Variants in PTPN18 observed in about 807,000 individuals in gnomAD.
PTPN18 encodes the protein protein tyrosine phosphatase non-receptor type 18.
PTPN18 carries 65 observed loss-of-function variants against 65.4 expected under a neutral mutation model. The ratio of observed to expected loss-of-function variants is 0.99; its 90% CI spans 0.81 to 1.22. PTPN18 has a LOEUF of 1.22. Among genes scored for constraint, PTPN18 ranks in the 50% most tolerant of loss-of-function variants. The pLI, the probability that PTPN18 is intolerant of heterozygous loss-of-function variation, is 0.00. For synonymous variants in PTPN18, 255 were observed against 267.8 expected (o/e 0.95, Z 0.47); for missense variants, 616 against 646.5 (o/e 0.95, Z 0.51).
intron 5 of PTPN18, among the ~76,000 whole-genome samples, chr2:130,361,566 C>CTCTTTCTTTCTTTCTTTCTTT (rs1281628439): frequency 3.0e-5 from 2 of 67,106 alleles, no homozygotes; most frequent in African/African-American, 1.7e-4. Context: ...TTCTTTCTTT[C>CTCTTTCTTTCTTTCTTTCTTT]CTTTCTTTCC....
chr2:130,369,178 A>G lies in PTPN18; in HGVS notation c.460A>G (p.Thr154Ala). The stretch of plus-strand genomic sequence containing the variant: ...GGCCCAGGAGCAGGAGCCACTGCAG[A>G]CTGGGCTTTTCTGCATCACTCTGGT... Reference protein sequence around the residue: ...YWAQEQEPLQTGLFCITLIKE... With the variant: ...YWAQEQEPLQAGLFCITLIKE... Residue 154 changes from threonine (T) to alanine (A), a missense_variant, in exon 6 of 15, where the codon ACT becomes GCT. By Grantham distance (58) the Thr-to-Ala change is moderately conservative (BLOSUM62 0). Coordinates refer to ENST00000175756, the MANE Select transcript of PTPN18 (RefSeq NM_014369.4). 6.2e-7 allele frequency: 1 copy of G among 1,613,448 alleles called. No individual in the cohort carries two copies. The highest frequency in any genetic ancestry group is 8.5e-7 in the Non-Finnish European group (1 of 1,179,644).
intron 5 of PTPN18, among the ~76,000 whole-genome samples, chr2:130,366,741 A>C (rs1680396487): frequency 6.6e-6 from 1 of 152,166 alleles, no homozygotes; most frequent in South Asian, 2.1e-4. Flanking sequence ...TATCTTTTAC[A>C]TTTAGCCACT....
Position 130,373,531 on chromosome 2 carries a change from C to T in PTPN18, c.*307C>T. The T allele has an allele frequency of 3.8e-6, 1 of 261,816 alleles. No individual in the cohort carries two copies. 16.2% of individuals were successfully genotyped at this position (261,816 alleles called of 1,614,324 possible). A position where few individuals can be genotyped will look rare whatever the true frequency, so the allele number is the denominator to read the frequency against. On this transcript the variant is annotated 3_prime_UTR_variant, in exon 15 of 15. Transcript: ENST00000175756. The surrounding 1 kb of genome is among the most constrained non-coding windows in gnomAD (Gnocchi z 4.1). ...AGATGAGCTTCCGGAGACTGCTCTC[C>T]TCACCACACAGCACTAGTCCATCCT...
At chr2:130,365,345 G>A (rs779046491) in intron 5 of PTPN18, among the ~76,000 whole-genome samples, 2 of 152,144 alleles carry the variant, frequency 1.3e-5, no homozygotes, top group Admixed American at 1.3e-4. Flanking sequence ...CCTCATTGTG[G>A]TTTTGGTTTT....
chr2:130,372,865 G>T lies in PTPN18; in HGVS notation c.1241-8G>T, dbSNP rs1680624512. On this transcript the variant is annotated splice_polypyrimidine_tract_variant and splice_region_variant and intron_variant, in intron 13 of 14. Transcript: ENST00000175756. ...GGAGCTGACCCGTGGGGGGTCTGCT[G>T]CCCTCAGTTCCTGCTGACCAAAGTC... The T allele has an allele frequency of 6.2e-7, 1 of 1,613,940 alleles. No homozygotes were observed. The highest frequency in any genetic ancestry group is 8.5e-7 in the Non-Finnish European group (1 of 1,180,024).
chr2:130,371,931 C>T (rs1162018740), intron 12 of PTPN18: 1 of 312,746 alleles, frequency 3.2e-6, no homozygotes, highest in East Asian at 5.7e-5. Flanking sequence ...ACTTAAGGCC[C>T]TTGTCCTTGC....
At chr2:130,367,364 A>T (rs945132114) in intron 5 of PTPN18, among the ~76,000 whole-genome samples, 1 of 152,032 alleles carries the variant, frequency 6.6e-6, no homozygotes, top group Non-Finnish European at 1.5e-5. Flanking sequence ...CCTTTTGTGC[A>T]TAATGCTTTT....
rs749089507 is a variant in PTPN18, at chr2:130,359,511, G to A, written c.375+19G>A. 1.9e-4 allele frequency: 303 copies of A among 1,613,576 alleles called. 9 individuals are homozygous for A. The South Asian group carries it at 3.0e-3, about 16-fold the overall frequency. Reference sequence around the variant, plus strand: ...GGTCAAGGTCAGCACTTGGGGGTGCGGCACAATGGTGGGGTCAACATCTAA... The same window carrying A: ...GGTCAAGGTCAGCACTTGGGGGTGCAGCACAATGGTGGGGTCAACATCTAA... On this transcript the variant is annotated intron_variant, in intron 4 of 14. Transcript: ENST00000175756.
At chr2:130,361,639 G>A (rs1318843372) in intron 5 of PTPN18, among the ~76,000 whole-genome samples, 1 of 150,466 alleles carries the variant, frequency 6.6e-6, no homozygotes, top group Non-Finnish European at 1.5e-5. Context: ...CCAGGCTGGA[G>A]TTCAATGGCG....
rs1680594556 is a variant in PTPN18 at position 130,372,348 on chromosome 2, G to T, written c.1105G>T (p.Gly369Trp). ...CGGGGCTCCAGCGGGCGCCGGGAGT[G>T]GGACGCAGACGGGGACGGGGACGGG... The part of the protein sequence containing the change: ...KRGAPAGAGS[G>W]TQTGTGTGTG... The change falls in exon 13 of 15, where the codon GGG (glycine) becomes TGG (tryptophan). Residue 369 changes from glycine (G) to tryptophan (W), a missense_variant. Coordinates refer to ENST00000175756, the MANE Select transcript of PTPN18 (RefSeq NM_014369.4). 1 of 1,396,876 alleles carries T rather than the reference G, an allele frequency of 7.2e-7. No homozygotes were observed. The highest frequency in any genetic ancestry group is 9.2e-7 in the Non-Finnish European group (1 of 1,085,976). The allele number at this position is 1,396,876 out of a possible 1,614,324, so 86.5% of individuals were successfully genotyped here. A position where few individuals can be genotyped will look rare whatever the true frequency, so the allele number is the denominator to read the frequency against.
At chr2:130,370,299 C>T in intron 8 of PTPN18, 109 bp downstream of exon 8, 2 of 1,470,662 alleles carry the variant, frequency 1.4e-6, no homozygotes, top group African/African-American at 1.4e-5. Context: ...ATTTTGAGAA[C>T]CCTTGCTCAC....
chr2:130,364,797 A>AAACAAC (rs144620334), intron 5 of PTPN18, among the ~76,000 whole-genome samples: 2 of 152,138 alleles, frequency 1.3e-5, no homozygotes, highest in African/African-American at 4.8e-5. Context: ...CTCCGTCTCA[A>AAACAAC]AACAACAACA....
intron 13 of PTPN18, 181 bp downstream of exon 13, chr2:130,372,664 G>A: frequency 3.0e-6 from 3 of 991,780 alleles, no homozygotes; most frequent in Non-Finnish European, 4.3e-6. Context: ...CCTGGCGGTC[G>A]CAGTCGCGGT....
At position 130,374,624 on chromosome 2, in the gene PTPN18, T is replaced by A; in HGVS notation, c.*1400T>A. 2.1e-6 allele frequency: 1 copy of A among 471,360 alleles called. No homozygotes were observed. Among genetic ancestry groups the A allele is most frequent in the Non-Finnish European group, 4.4e-6 (1 of 227,096 alleles). The allele number at this position is 471,360 out of a possible 1,614,324, so 29.2% of individuals were successfully genotyped here. On this transcript the variant is annotated 3_prime_UTR_variant, in exon 15 of 15. Coordinates refer to ENST00000175756, the MANE Select transcript of PTPN18 (RefSeq NM_014369.4). ...GCAAAATGGAAAAAGTATAAGATGC[T>A]CTTTCCCTGAACCTCAAGGGTCCCG...
At chr2:130,357,120 A>C (rs1206367210) in intron 1 of PTPN18, among the ~76,000 whole-genome samples, 1 of 152,224 alleles carries the variant, frequency 6.6e-6, no homozygotes, top group Non-Finnish European at 1.5e-5. Flanking sequence ...CCTGGGAGGC[A>C]GAGGTTGCAG....
Position 130,373,108 on chromosome 2 carries a change from C to T in PTPN18, c.1316-49C>T. Reference sequence around the variant, plus strand: ...GGCCTTCTTCATGTCTGCCAGCTTCCACACACCTCAGCTTCTCCATGAGAC... The same window carrying T: ...GGCCTTCTTCATGTCTGCCAGCTTCTACACACCTCAGCTTCTCCATGAGAC... On this transcript the variant is annotated intron_variant, in intron 14 of 14. Coordinates refer to ENST00000175756, the MANE Select transcript of PTPN18 (RefSeq NM_014369.4). The surrounding 1 kb of genome is among the most constrained non-coding windows in gnomAD (Gnocchi z 4.1). The T allele has an allele frequency of 6.4e-7, 1 of 1,555,068 alleles. No individual in the cohort carries two copies. Among genetic ancestry groups the T allele is most frequent in the Non-Finnish European group, 8.7e-7 (1 of 1,145,918 alleles).
Position 130,372,870 on chromosome 2 carries a change from C to T in PTPN18, c.1241-3C>T. 1 of 1,614,136 alleles carries T rather than the reference C, an allele frequency of 6.2e-7. No homozygotes were observed. The highest frequency in any genetic ancestry group is 8.5e-7 in the Non-Finnish European group (1 of 1,180,024). ...TGACCCGTGGGGGGTCTGCTGCCCT[C>T]AGTTCCTGCTGACCAAAGTCCTGCC... is the stretch of plus-strand genomic sequence containing the variant. On this transcript the variant is annotated splice_polypyrimidine_tract_variant and splice_region_variant and intron_variant, in intron 13 of 14. Transcript: ENST00000175756.
At chr2:130,367,509 A>C (rs1157646046) in intron 5 of PTPN18, among the ~76,000 whole-genome samples, 1 of 151,990 alleles carries the variant, frequency 6.6e-6, no homozygotes, top group Non-Finnish European at 1.5e-5. Context: ...CCCTGTCTCT[A>C]CTAAAAATAC....
intron 5 of PTPN18, among the ~76,000 whole-genome samples, chr2:130,362,858 C>T (rs920976333): frequency 3.3e-5 from 5 of 152,000 alleles, no homozygotes; most frequent in East Asian, 1.9e-4. Flanking sequence ...CTCGCTCTGT[C>T]CTCCAGGCTG....
Sources: allele counts gnomAD v4.1 joint callset (sites outside exome capture counted in the v4.1 genomes callset), GRCh38; gene constraint gnomAD v4.1.1; non-coding constraint Gnocchi (gnomAD v3.1); transcripts MANE v1.5; gene names NCBI Gene and HGNC (gene_info 2026-07-23, HGNC 2026-07-21).